TLE1: variants seen among roughly 807,000 people sequenced by gnomAD.
TLE1 encodes the protein TLE family member 1, transcriptional corepressor.
In TLE1, 21 loss-of-function variants were observed where a neutral mutation model predicts 89.8. That is an observed-to-expected ratio of 0.23 (90% CI 0.17 to 0.34). TLE1 has a LOEUF of 0.34. Ranked by LOEUF, TLE1 falls within the 10% of genes least tolerant of loss-of-function variation. TLE1 has a pLI of 1.00. For synonymous variants in TLE1, 447 were observed against 407.6 expected, an observed-to-expected ratio of 1.10 and a Z score of -1.16; for missense variants, 795 against 1,031.2, an observed-to-expected ratio of 0.77 and a Z score of 3.14.
At chr9:81,644,174 C>T (rs1024048278) in intron 6 of TLE1, among the ~76,000 whole-genome samples, 1 of 152,154 alleles carries the variant, frequency 6.6e-6, no homozygotes, top group African/African-American at 2.4e-5. Flanking sequence ...CTTTGGAAAA[C>T]AGTCTGGCTG....
intron 16 of TLE1, among the ~76,000 whole-genome samples, chr9:81,589,087 T>C (rs1033451581): frequency 1.3e-5 from 2 of 152,190 alleles, no homozygotes; most frequent in African/African-American, 4.8e-5. Flanking sequence ...ACCTCCAATG[T>C]TTCCGCTTGC....
intron 6 of TLE1, among the ~76,000 whole-genome samples, chr9:81,644,226 G>C (rs1430712094): frequency 1.3e-5 from 2 of 152,154 alleles, no homozygotes; most frequent in South Asian, 2.1e-4. Flanking sequence ...TCTACTCCCA[G>C]AGACAAATCC....
At chr9:81,667,487 T>A (rs184730294) in intron 4 of TLE1, among the ~76,000 whole-genome samples, 7 of 152,170 alleles carry the variant, frequency 4.6e-5, no homozygotes, top group African/African-American at 9.6e-5. Context: ...AAAGGAACTT[T>A]CTGCACATGG....
chr9:81,613,221 T>C (rs1356160343), intron 12 of TLE1, among the ~76,000 whole-genome samples, 156 bp downstream of exon 12: 1 of 152,198 alleles, frequency 6.6e-6, no homozygotes, highest in African/African-American at 2.4e-5. Flanking sequence ...AGGACAAACA[T>C]CTGTTTCTTA....
Position 81,634,115 on chromosome 9 carries a change from C to G in TLE1, c.559G>C (p.Asp187His). 2 of 1,609,026 alleles carry G rather than the reference C, an allele frequency of 1.2e-6. No homozygotes were observed. Among genetic ancestry groups the G allele is most frequent in the Non-Finnish European group, 1.7e-6 (2 of 1,177,372 alleles). ...CTCTCACCTCTGTGGTGCTCTGCAT[C>G]GTGGTGCTTCTTGTCATCTTTTATT... ...LAIKDDKKHHDAEHHRDREPG... is the reference protein window; with the variant it reads ...LAIKDDKKHHHAEHHRDREPG... The change falls in exon 7 of 20, where the codon GAT becomes CAT. Residue 187 changes from aspartate (D) to histidine (H), a missense_variant. Asp to His is a moderately conservative substitution (Grantham distance 81). Coordinates refer to ENST00000376499, the MANE Select transcript of TLE1 (RefSeq NM_005077.5).
At chr9:81,586,788 T>C (rs1441130437) in intron 17 of TLE1, among the ~76,000 whole-genome samples, 1 of 152,084 alleles carries the variant, frequency 6.6e-6, no homozygotes, top group Non-Finnish European at 1.5e-5. Flanking sequence ...TAAGAAGTTT[T>C]AAAAAAAGGC....
intron 14 of TLE1, chr9:81,599,817 C>A: frequency 2.9e-6 from 1 of 350,532 alleles, no homozygotes; most frequent in African/African-American, 2.1e-5. Context: ...GCTTTATTAA[C>A]AACTAACTTG....
At chr9:81,682,570 T>C (rs1465259027) in intron 4 of TLE1, among the ~76,000 whole-genome samples, 3 of 152,214 alleles carry the variant, frequency 2.0e-5, no homozygotes, top group Admixed American at 2.0e-4. Flanking sequence ...TTACAGTACA[T>C]CTTGTTCCCA....
chr9:81,652,138 C>T (rs1445684390), intron 6 of TLE1, 76 bp downstream of exon 6: 4 of 1,417,542 alleles, frequency 2.8e-6, no homozygotes, highest in Non-Finnish European at 4.0e-6. Flanking sequence ...CACACACACA[C>T]GTAAAGCCAT....
chr9:81,632,120 T>C (rs868418121), intron 8 of TLE1, among the ~76,000 whole-genome samples: 4 of 116,414 alleles, frequency 3.4e-5, no homozygotes, highest in Non-Finnish European at 5.6e-5. Flanking sequence ...ATAGGAACCC[T>C]GGAATGGCAA....
chr9:81,633,566 G>A (rs939056167), intron 7 of TLE1: 1 of 684,248 alleles, frequency 1.5e-6, no homozygotes, highest in Non-Finnish European at 2.4e-6. Context: ...AAGATTTACA[G>A]TTTAACCATA....
rs571311356 is a variant in TLE1 at position 81,673,135 on chromosome 9, T to A, written c.234+12541A>T. 5.3e-5 allele frequency among the ~76,000 whole-genome samples: 8 copies of A among 152,054 alleles called. No homozygotes were observed. The East Asian group carries it at 1.6e-3, about 30-fold the overall frequency. On this transcript the variant is annotated intron_variant, in intron 4 of 19. Coordinates refer to ENST00000376499, the MANE Select transcript of TLE1 (RefSeq NM_005077.5). ...TAAAAATACAAAAATCAGCTGGGCA[T>A]GGTGGTGCACGCCTGTAATCCCAGC... is the stretch of plus-strand genomic sequence containing the variant.
intron 11 of TLE1, 150 bp from the exon 12 acceptor site, chr9:81,613,671 T>C: frequency 1.1e-6 from 1 of 893,344 alleles, no homozygotes; most frequent in Non-Finnish European, 1.7e-6. Context: ...AGCATTAACT[T>C]GTGAGCGAGA....
intron 4 of TLE1, among the ~76,000 whole-genome samples, chr9:81,657,016 G>A (rs1830223980): frequency 6.6e-6 from 1 of 152,146 alleles, no homozygotes; most frequent in Non-Finnish European, 1.5e-5. Context: ...GAGTTTTGTT[G>A]ACCTTCCTTT....
At chr9:81,596,520 C>G (rs1421746901) in intron 14 of TLE1, among the ~76,000 whole-genome samples, 2 of 152,184 alleles carry the variant, frequency 1.3e-5, no homozygotes, top group Non-Finnish European at 1.5e-5. Context: ...GAGGGCTCAT[C>G]ATGACCATGG....
At position 81,655,468 on chromosome 9, in the gene TLE1, G is replaced by A. The variant is rs149684833; in HGVS notation, c.235-1432C>T. ...AAACTGGCAAGAGAGGGAACAGAGG[G>A]TACTCTACTTCTAGCCCAGGGAAGG... On this transcript the variant is annotated intron_variant, in intron 4 of 19. Transcript: ENST00000376499. Among the ~76,000 whole-genome samples, 44 of 152,144 alleles carry A rather than the reference G, an allele frequency of 2.9e-4. No homozygotes were observed. The South Asian group carries it at 7.7e-3, about 27-fold the overall frequency.
At chr9:81,652,050 A>G in intron 6 of TLE1, 164 bp downstream of exon 6, 1 of 609,924 alleles carries the variant, frequency 1.6e-6, no homozygotes, top group Non-Finnish European at 2.8e-6. Flanking sequence ...ACCTTAGCAC[A>G]TCCCAAGTCT....
chr9:81,600,628 CAA>C (rs35107385), intron 14 of TLE1, among the ~76,000 whole-genome samples: 5,644 of 135,706 alleles, frequency 0.042, 301 homozygotes, highest in African/African-American at 0.13. Context: ...TTTAATAGAC[CAA>C]AAAAAAAAAA....
intron 4 of TLE1, among the ~76,000 whole-genome samples, chr9:81,667,920 T>C (rs1033002792): frequency 6.6e-6 from 1 of 152,032 alleles, no homozygotes; most frequent in Admixed American, 6.6e-5. Flanking sequence ...CCCCAGCATT[T>C]TGGGAGGCTG....
Sources: allele counts gnomAD v4.1 joint callset (sites outside exome capture counted in the v4.1 genomes callset), GRCh38; gene constraint gnomAD v4.1.1; transcripts MANE v1.5; gene names NCBI Gene and HGNC (gene_info 2026-07-23, HGNC 2026-07-21).